Variants in RANBP17 observed in about 807,000 individuals in gnomAD.
RANBP17 encodes ran-binding protein 17.
RANBP17 carries 158 observed loss-of-function variants against 141.2 expected under a neutral mutation model. That is an observed-to-expected ratio of 1.12 (90% CI 0.98 to 1.28). RANBP17 has a LOEUF of 1.28. Among genes scored for constraint, RANBP17 ranks in the 50% most tolerant of loss-of-function variants. The pLI is 0.00. For missense variants in RANBP17, 1,438 were observed against 1,290.7 expected, an observed-to-expected ratio of 1.11 and a Z score of -1.75; for synonymous variants, 430 against 450.0, an observed-to-expected ratio of 0.96 and a Z score of 0.56.
intron 12 of RANBP17, among the ~76,000 whole-genome samples, chr5:170,942,284 C>G (rs1774387057): frequency 6.6e-6 from 1 of 152,084 alleles, no homozygotes; most frequent in African/African-American, 2.4e-5. Flanking sequence ...GACTGCTGCT[C>G]TAGAAAATCT....
chr5:171,185,219 C>T (rs1761153756), intron 18 of RANBP17, among the ~76,000 whole-genome samples: 1 of 152,162 alleles, frequency 6.6e-6, no homozygotes, highest in Non-Finnish European at 1.5e-5. Flanking sequence ...TAGCAAACAT[C>T]TGAGCTTTCA....
At chr5:170,869,614 A>G (rs1002477926) in intron 1 of RANBP17, among the ~76,000 whole-genome samples, 1 of 151,860 alleles carries the variant, frequency 6.6e-6, no homozygotes, top group African/African-American at 2.4e-5. Flanking sequence ...CAGAAACATC[A>G]CTCTAGTCTC....
chr5:170,986,809 A>G (rs1376000182), intron 14 of RANBP17, among the ~76,000 whole-genome samples: 1 of 151,904 alleles, frequency 6.6e-6, no homozygotes, highest in Admixed American at 6.6e-5. Context: ...TGCAATTGTT[A>G]TGTCTTCCTG....
intron 25 of RANBP17, among the ~76,000 whole-genome samples, chr5:171,273,223 A>C (rs1302051938): frequency 6.6e-6 from 1 of 152,184 alleles, no homozygotes; most frequent in African/African-American, 2.4e-5. Flanking sequence ...TCAGCATAGA[A>C]TGCCATTTTT....
chr5:171,251,459 A>C (rs1163816219), intron 24 of RANBP17, among the ~76,000 whole-genome samples: 2 of 152,006 alleles, frequency 1.3e-5, no homozygotes, highest in Non-Finnish European at 2.9e-5. Flanking sequence ...CAATACCAAG[A>C]GGAACTTGGA....
intron 7 of RANBP17, among the ~76,000 whole-genome samples, chr5:170,912,035 T>G (rs1771571630): frequency 6.6e-6 from 1 of 151,888 alleles, no homozygotes; most frequent in South Asian, 2.1e-4. Context: ...GACCAGAGTT[T>G]TTTTCCTCAA....
At chr5:170,966,127 G>T (rs1776541753) in intron 13 of RANBP17, among the ~76,000 whole-genome samples, 1 of 151,924 alleles carries the variant, frequency 6.6e-6, no homozygotes. Flanking sequence ...AGGAGGAACT[G>T]GTACCATTCC....
chr5:171,203,595 A>G (rs1762419195), intron 19 of RANBP17, among the ~76,000 whole-genome samples: 3 of 152,110 alleles, frequency 2.0e-5, no homozygotes, highest in African/African-American at 7.2e-5. Flanking sequence ...ACATTTTGCC[A>G]CTTTAAAAAA....
chr5:171,295,492 A>G (rs1444203555), intron 26 of RANBP17, among the ~76,000 whole-genome samples: 1 of 152,168 alleles, frequency 6.6e-6, no homozygotes, highest in African/African-American at 2.4e-5. Flanking sequence ...CCTTGCCTTC[A>G]GTCACTTAAA....
At chr5:171,129,055 C>T (rs1756708556) in intron 14 of RANBP17, among the ~76,000 whole-genome samples, 1 of 152,132 alleles carries the variant, frequency 6.6e-6, no homozygotes, top group African/African-American at 2.4e-5. Context: ...AGGATAGGCA[C>T]TCTATCCTGT....
intron 14 of RANBP17, among the ~76,000 whole-genome samples, chr5:171,064,263 CTGGGAGCTGTAGA>C (rs938083776): frequency 6.6e-6 from 1 of 152,232 alleles, no homozygotes; most frequent in Admixed American, 6.5e-5. Context: ...GTCACTCACG[CTGGGAGCTGTAGA>C]TGGGAGCTGT....
intron 14 of RANBP17, among the ~76,000 whole-genome samples, chr5:171,101,012 A>G (rs1277823428): frequency 6.6e-6 from 1 of 152,170 alleles, no homozygotes; most frequent in African/African-American, 2.4e-5. Flanking sequence ...GGAGTGTTTT[A>G]CTTCCAATTA....
chr5:170,911,436 C>T (rs1309021254), intron 7 of RANBP17: 1 of 605,426 alleles, frequency 1.7e-6, no homozygotes, highest in Non-Finnish European at 3.0e-6. Context: ...TTCAGATAAA[C>T]AGAGTGGGAC....
intron 14 of RANBP17, among the ~76,000 whole-genome samples, chr5:171,141,201 C>A (rs1460666496): frequency 2.6e-5 from 4 of 151,950 alleles, no homozygotes; most frequent in South Asian, 2.1e-4. Context: ...TAAATCCAGG[C>A]CAAGATAAGA....
intron 20 of RANBP17, 85 bp from the exon 21 acceptor site, chr5:171,213,539 ATTCCCTT>A (rs2127972411): frequency 1.2e-6 from 1 of 845,428 alleles, no homozygotes; most frequent in Non-Finnish European, 2.0e-6. Context: ...ACAAATGTGG[ATTCCCTT>A]TTGTGTGTGT....
chr5:171,168,415 G>A (rs1759851919), intron 14 of RANBP17, among the ~76,000 whole-genome samples: 1 of 152,216 alleles, frequency 6.6e-6, no homozygotes, highest in Admixed American at 6.5e-5. Context: ...AAATGTGGAA[G>A]TTGAGGTAGG....
At chr5:171,152,018 A>G (rs575400410) in intron 14 of RANBP17, among the ~76,000 whole-genome samples, 1 of 152,256 alleles carries the variant, frequency 6.6e-6, no homozygotes, top group South Asian at 2.1e-4. Flanking sequence ...AGAAATTTCT[A>G]ACTGAAAATA....
chr5:171,009,730 C>T (rs982347988), intron 14 of RANBP17, among the ~76,000 whole-genome samples: 1 of 152,082 alleles, frequency 6.6e-6, no homozygotes, highest in East Asian at 1.9e-4. Context: ...TTATTATAGT[C>T]TTCTAGCTTT....
At chr5:170,935,277 A>G (rs1050201343) in intron 12 of RANBP17, among the ~76,000 whole-genome samples, 6 of 151,918 alleles carry the variant, frequency 3.9e-5, no homozygotes, top group Non-Finnish European at 8.8e-5. Context: ...GAAGTTCGTT[A>G]TTACTGATCG....
Sources: allele counts gnomAD v4.1 joint callset (sites outside exome capture counted in the v4.1 genomes callset), GRCh38; gene constraint gnomAD v4.1.1; transcripts MANE v1.5; gene names NCBI Gene and HGNC (gene_info 2026-07-23, HGNC 2026-07-21).